ATP2B2: variants seen among roughly 807,000 people sequenced by gnomAD.
ATP2B2 encodes the protein ATPase plasma membrane Ca2+ transporting 2, also known as plasma membrane calcium-transporting ATPase 2.
A neutral mutation model predicts 120.0 loss-of-function variants in ATP2B2; 15 were observed. The ratio of observed to expected loss-of-function variants is 0.12; its 90% CI spans 0.08 to 0.19. The LOEUF is 0.19. ATP2B2 is among the 10% of genes least tolerant of loss of function. ATP2B2 has a pLI of 1.00. For missense variants in ATP2B2, 1,045 were observed against 1,719.8 expected (o/e 0.61, Z 6.94); for synonymous variants, 694 against 700.3 (o/e 0.99, Z 0.14).
intron 22 of ATP2B2, among the ~76,000 whole-genome samples, chr3:10,335,493 C>T (rs565257690): frequency 3.7e-4 from 56 of 152,278 alleles, no homozygotes; most frequent in African/African-American, 1.3e-3. Context: ...TGACTATGAC[C>T]TCTGACCTGC....
chr3:10,383,492 T>A (rs1206588110), intron 8 of ATP2B2, among the ~76,000 whole-genome samples: 2 of 152,220 alleles, frequency 1.3e-5, no homozygotes, highest in Non-Finnish European at 2.9e-5. Flanking sequence ...AAAGCCCTCT[T>A]AACATCCTTG....
intron 2 of ATP2B2, among the ~76,000 whole-genome samples, chr3:10,536,633 C>G (rs2067323795): frequency 6.6e-6 from 1 of 152,008 alleles, no homozygotes; most frequent in Admixed American, 6.6e-5. Flanking sequence ...CTCAAGCAAA[C>G]CTCCTGCCTC....
At chr3:10,477,218 G>T (rs2065236485) in intron 1 of ATP2B2, among the ~76,000 whole-genome samples, 1 of 152,176 alleles carries the variant, frequency 6.6e-6, no homozygotes, top group Non-Finnish European at 1.5e-5. Flanking sequence ...TCCCTCTTAA[G>T]ATTGGTGCTT....
intron 3 of ATP2B2, among the ~76,000 whole-genome samples, chr3:10,403,071 C>T (rs1158144526): frequency 6.6e-6 from 1 of 151,258 alleles, no homozygotes; most frequent in African/African-American, 2.5e-5. Flanking sequence ...TGGTTCTAAT[C>T]CTGCTGCTGC....
chr3:10,488,074 C>T (rs1490617788), intron 1 of ATP2B2, among the ~76,000 whole-genome samples: 1 of 152,080 alleles, frequency 6.6e-6, no homozygotes, highest in Non-Finnish European at 1.5e-5. Flanking sequence ...CCAAACCATC[C>T]ACCTATCCAT....
intron 2 of ATP2B2, among the ~76,000 whole-genome samples, chr3:10,556,270 T>A (rs1273161914): frequency 6.6e-6 from 1 of 152,224 alleles, no homozygotes; most frequent in South Asian, 2.1e-4. Context: ...ATGTCTGATT[T>A]GTCTATGTGA....
At chr3:10,352,705 C>T (rs975727797) in intron 14 of ATP2B2, among the ~76,000 whole-genome samples, 1 of 152,188 alleles carries the variant, frequency 6.6e-6, no homozygotes, top group Non-Finnish European at 1.5e-5. Flanking sequence ...TCTTACAGGG[C>T]TGGAGGGAGT....
intron 1 of ATP2B2, among the ~76,000 whole-genome samples, chr3:10,657,006 G>C (rs2070648601): frequency 6.6e-6 from 1 of 152,194 alleles, no homozygotes. Context: ...AAAGGGGTTT[G>C]GGTTTTTTTT....
chr3:10,442,193 A>G (rs1397928912), intron 2 of ATP2B2, among the ~76,000 whole-genome samples: 1 of 152,064 alleles, frequency 6.6e-6, no homozygotes. Flanking sequence ...GGTCTGCCTA[A>G]TGCTCTGCCT....
chr3:10,449,523 G>T lies in ATP2B2; in HGVS notation c.21C>A (p.Ser7Arg), dbSNP rs1257724369. 6.2e-7 allele frequency: 1 copy of T among 1,614,256 alleles called. No individual in the cohort carries two copies. The change falls in exon 2 of 23, where the codon AGC (serine) becomes AGA (arginine). Residue 7 changes from serine to arginine, a missense_variant. Physicochemically the swap from Ser to Arg is moderately radical, Grantham distance 110 (BLOSUM62 -1). This residue lies in a region of ATP2B2 where 139 missense variants were observed against 134.2 expected (regional missense o/e 1.04). Coordinates refer to ENST00000360273, the MANE Select transcript of ATP2B2 (RefSeq NM_001001331.4). ...TTCTTTGGTTTTTGGAGTAAAAGTC[G>T]CTGTTGGTCATGTCACCCATGTTTG... is the stretch of plus-strand genomic sequence containing the variant. MGDMTNSDFYSKNQRNE... is the reference protein window; with the variant it reads MGDMTNRDFYSKNQRNE...
At chr3:10,330,528 G>C (rs2059949667) in intron 22 of ATP2B2, among the ~76,000 whole-genome samples, 1 of 152,280 alleles carries the variant, frequency 6.6e-6, no homozygotes, top group African/African-American at 2.4e-5. Context: ...AGTGGAGTCA[G>C]AGGTGGAGAA....
chr3:10,394,796 G>A (rs903230330), intron 5 of ATP2B2, among the ~76,000 whole-genome samples: 8 of 151,950 alleles, frequency 5.3e-5, no homozygotes, highest in Non-Finnish European at 8.8e-5. Context: ...TCGGGGTCTC[G>A]CGGGGGTTGA....
At chr3:10,360,190 C>A in intron 12 of ATP2B2, 67 bp from the exon 13 acceptor site, 3 of 1,520,644 alleles carry the variant, frequency 2.0e-6, no homozygotes, top group Non-Finnish European at 2.6e-6. Context: ...GCCCTGGCTG[C>A]CACTGAGGCT....
At chr3:10,419,483 C>T (rs755281292) in intron 2 of ATP2B2, among the ~76,000 whole-genome samples, 5 of 152,210 alleles carry the variant, frequency 3.3e-5, no homozygotes, top group African/African-American at 4.8e-5. Context: ...TCTGTGTTGC[C>T]GCTGTCTTAG....
chr3:10,575,364 C>A (rs11914694), intron 2 of ATP2B2, among the ~76,000 whole-genome samples: 3 of 151,950 alleles, frequency 2.0e-5, no homozygotes, highest in Non-Finnish European at 2.9e-5. Context: ...GGGGCTCAGA[C>A]AAAATAATAA....
chr3:10,558,690 C>A (rs578137036), intron 2 of ATP2B2, among the ~76,000 whole-genome samples: 1 of 152,212 alleles, frequency 6.6e-6, no homozygotes, highest in African/African-American at 2.4e-5. Context: ...TTGTGCTTAA[C>A]CCAGTTTGAG....
chr3:10,647,080 G>A (rs376887862), intron 1 of ATP2B2, among the ~76,000 whole-genome samples: 2 of 152,196 alleles, frequency 1.3e-5, no homozygotes, highest in South Asian at 2.1e-4. Flanking sequence ...GGGAGCAATG[G>A]GGGTAGGGGG....
chr3:10,385,234 A>C, intron 8 of ATP2B2, 34 bp downstream of exon 8: 10 of 1,609,380 alleles, frequency 6.2e-6, no homozygotes, highest in Non-Finnish European at 8.5e-6. Context: ...ACGCCCATCC[A>C]ACCATGACCA....
chr3:10,346,173 C>T lies in ATP2B2; in HGVS notation c.2405-36G>A. 1.2e-6 allele frequency: 2 copies of T among 1,601,962 alleles called. No individual in the cohort carries two copies. The highest frequency in any genetic ancestry group is 1.7e-6 in the Non-Finnish European group (2 of 1,176,850). On this transcript the variant is annotated intron_variant, in intron 16 of 22. Transcript: ENST00000360273. This position sits in a 1 kb window ranked among gnomAD's most constrained non-coding sequence, Gnocchi z 4.1. ...AGGAGTGTGCTCAGGCCCTGGGCCA[C>T]TCAGGTGGGAGGCAGCCTGGGCCAG...
Sources: allele counts gnomAD v4.1 joint callset (sites outside exome capture counted in the v4.1 genomes callset), GRCh38; gene constraint gnomAD v4.1.1; regional missense constraint gnomAD v4.1.1; non-coding constraint Gnocchi (gnomAD v3.1); transcripts MANE v1.5; gene names NCBI Gene and HGNC (gene_info 2026-07-23, HGNC 2026-07-21).